NPLOC4: variants seen among roughly 807,000 people sequenced by gnomAD.
NPLOC4 encodes nuclear protein localization protein 4 homolog.
Under a neutral mutation model 80.6 loss-of-function variants are expected in NPLOC4, and 18 were observed. The observed-to-expected ratio is 0.22, with a 90% confidence interval of 0.15 to 0.33. The LOEUF is 0.33. Among genes scored for constraint, NPLOC4 ranks in the 10% least tolerant of loss-of-function variants. The pLI, the probability that NPLOC4 is intolerant of heterozygous loss-of-function variation, is 1.00. For synonymous variants in NPLOC4, 313 were observed against 301.5 expected (o/e 1.04, Z -0.39); for missense variants, 540 against 786.1 (o/e 0.69, Z 3.74).
intron 6 of NPLOC4, among the ~76,000 whole-genome samples, chr17:81,608,131 G>A (rs538558725): frequency 4.7e-4 from 71 of 152,342 alleles, no homozygotes; most frequent in Non-Finnish European, 5.9e-4. Flanking sequence ...GTGGTACCAT[G>A]AGGATTAGTG....
At chr17:81,559,540 G>C (rs1248585351) in intron 16 of NPLOC4, 124 bp from the exon 17 acceptor site, 7 of 1,122,066 alleles carry the variant, frequency 6.2e-6, no homozygotes, top group Non-Finnish European at 7.5e-6. Flanking sequence ...ACCCAGTGCT[G>C]GTCCTGCCCA....
intron 16 of NPLOC4, 30 bp downstream of exon 16, chr17:81,565,475 G>GGT (rs1389708350): frequency 3.3e-6 from 5 of 1,512,618 alleles, no homozygotes; most frequent in Middle Eastern, 2.1e-4. Flanking sequence ...CCAGCCACGG[G>GGT]GTGCCGGGGC....
chr17:81,598,737 G>A (rs909445829), intron 9 of NPLOC4, among the ~76,000 whole-genome samples: 5 of 152,130 alleles, frequency 3.3e-5, no homozygotes, highest in Admixed American at 6.5e-5. Context: ...CAGCAGTTGA[G>A]TCCCGGCAAT....
At chr17:81,592,373 G>A (rs907917190) in intron 11 of NPLOC4, among the ~76,000 whole-genome samples, 2 of 152,226 alleles carry the variant, frequency 1.3e-5, no homozygotes, top group African/African-American at 4.8e-5. Context: ...ATGAGGATAA[G>A]CACTCCTCAG....
At chr17:81,585,063 G>T (rs147732003) in intron 12 of NPLOC4, among the ~76,000 whole-genome samples, 1 of 151,170 alleles carries the variant, frequency 6.6e-6, no homozygotes, top group Non-Finnish European at 1.5e-5. Context: ...CTGGCTACTC[G>T]GGAGGCTGAG....
chr17:81,624,420 AAAAAACAAAAAC>A (rs1196198235), intron 2 of NPLOC4, among the ~76,000 whole-genome samples: 3 of 152,174 alleles, frequency 2.0e-5, no homozygotes, highest in Admixed American at 6.5e-5. Flanking sequence ...CTCCGTCTCA[AAAAAACAAAAAC>A]AAAAACAAAG....
intron 8 of NPLOC4, 133 bp from the exon 9 acceptor site, chr17:81,600,560 C>A: frequency 1.5e-6 from 1 of 675,512 alleles, no homozygotes; most frequent in Non-Finnish European, 2.7e-6. Context: ...GAACTATAGC[C>A]ACAGATAAAA....
At chr17:81,565,750 A>C in intron 15 of NPLOC4, 143 bp from the exon 16 acceptor site, 2 of 629,672 alleles carry the variant, frequency 3.2e-6, no homozygotes. Flanking sequence ...TATAAAATGC[A>C]AACTGCCACA....
At chr17:81,633,932 T>G (rs575315695) in intron 1 of NPLOC4, among the ~76,000 whole-genome samples, 14 of 151,756 alleles carry the variant, frequency 9.2e-5, no homozygotes, top group African/African-American at 3.1e-4. Flanking sequence ...AGTGGTGCGA[T>G]CTCGGCTCAC....
At chr17:81,582,558 C>T (rs2034472478) in intron 12 of NPLOC4, among the ~76,000 whole-genome samples, 1 of 152,186 alleles carries the variant, frequency 6.6e-6, no homozygotes, top group Non-Finnish European at 1.5e-5. Context: ...CATGACACAG[C>T]ACCCGACTAA....
In NPLOC4 at chr17:81,629,805, T is replaced by C. The variant is rs1258347288; in HGVS notation, c.16A>G (p.Ile6Val). The change falls in exon 2 of 17, where the codon ATA becomes GTA. Residue 6 changes from isoleucine to valine, a missense_variant and splice_region_variant. Transcript: ENST00000331134. The stretch of plus-strand genomic sequence containing the variant: ...CCATCCGGGGACTGGACACGAATTA[T>C]CTGTTGCAAACAAAACATGATGGTT... The part of the protein sequence containing the change: MAESI[I>V]IRVQSPDGVK... The C allele has an allele frequency of 1.2e-6, 2 of 1,611,862 alleles. No individual in the cohort carries two copies. The highest frequency in any genetic ancestry group is 1.7e-6 in the Non-Finnish European group (2 of 1,178,116).
At position 81,574,201 on chromosome 17, in the gene NPLOC4, G is replaced by C. The variant is rs2034232371; in HGVS notation, c.1282-2113C>G. On this transcript the variant is annotated intron_variant, in intron 12 of 16. Transcript: ENST00000331134. ...GGAATTCATCTTCAAATCTAATTAA[G>C]CTCTAATATGCAGAAACATTTTTCC... Among the ~76,000 whole-genome samples the C allele has an allele frequency of 1.3e-5, 2 of 152,188 alleles. 1 individual carries two copies. The highest frequency in any genetic ancestry group is 1.3e-4 in the Admixed American group (2 of 15,276).
chr17:81,600,490 G>T, intron 8 of NPLOC4, 63 bp from the exon 9 acceptor site: 1 of 1,287,560 alleles, frequency 7.8e-7, no homozygotes. Flanking sequence ...AGCACCCCAA[G>T]CCCTTCCACT....
rs1032370819 is a variant in NPLOC4 at position 81,558,960 on chromosome 17, G to C, written c.*299C>G. 6 of 291,394 alleles carry C rather than the reference G, an allele frequency of 2.1e-5. No homozygotes were observed. Among genetic ancestry groups the C allele is most frequent in the South Asian group, 1.0e-4 (1 of 9,932 alleles). The allele number at this position is 291,394 out of a possible 1,614,324, so 18.1% of individuals were successfully genotyped here. A position where few individuals can be genotyped will look rare whatever the true frequency, so the allele number is the denominator to read the frequency against. ...GCGCCCCAATTCCAGGTGCCACGTAGAGGCGAGAGGTCTTTCCAACACGGC... is the reference window on the plus strand; with the variant it reads ...GCGCCCCAATTCCAGGTGCCACGTACAGGCGAGAGGTCTTTCCAACACGGC... On this transcript the variant is annotated 3_prime_UTR_variant, in exon 17 of 17. Coordinates refer to ENST00000331134, the MANE Select transcript of NPLOC4 (RefSeq NM_017921.4).
chr17:81,568,805 G>A (rs1226154321), intron 14 of NPLOC4, among the ~76,000 whole-genome samples: 4 of 152,234 alleles, frequency 2.6e-5, no homozygotes, highest in Admixed American at 6.5e-5. Context: ...CAGTCAGGAC[G>A]TCAGGGGATT....
intron 12 of NPLOC4, among the ~76,000 whole-genome samples, chr17:81,575,559 T>C (rs1328051476): frequency 3.3e-5 from 5 of 152,212 alleles, no homozygotes; most frequent in Admixed American, 2.0e-4. Flanking sequence ...ACTACTGCTG[T>C]CCAAGACAGG....
chr17:81,561,868 G>C (rs980093477), intron 16 of NPLOC4: 1 of 152,162 alleles, frequency 6.6e-6, no homozygotes, highest in African/African-American at 2.4e-5. Flanking sequence ...AGAGTGTTAG[G>C]ATTATAGCTA....
intron 16 of NPLOC4, among the ~76,000 whole-genome samples, chr17:81,559,867 G>A (rs2033794927): frequency 6.6e-6 from 1 of 151,596 alleles, no homozygotes; most frequent in Admixed American, 6.6e-5. Context: ...CAAGTAGCTG[G>A]GATTACAGGC....
chr17:81,586,233 T>C (rs2034579024), intron 12 of NPLOC4, among the ~76,000 whole-genome samples: 1 of 152,020 alleles, frequency 6.6e-6, no homozygotes, highest in African/African-American at 2.4e-5. Context: ...TGCTGGGAGA[T>C]GAGGGTCTGG....
Sources: allele counts gnomAD v4.1 joint callset (sites outside exome capture counted in the v4.1 genomes callset), GRCh38; gene constraint gnomAD v4.1.1; transcripts MANE v1.5; gene names NCBI Gene and HGNC (gene_info 2026-07-23, HGNC 2026-07-21).